The following WDR70 variants were observed in gnomAD, a reference collection of about 807,000 sequenced individuals.
The protein encoded by WDR70 is WD repeat domain 70.
A neutral mutation model predicts 88.6 loss-of-function variants in WDR70; 53 were observed. The observed-to-expected ratio is 0.60, with a 90% CI of 0.48 to 0.75. The LOEUF (loss-of-function observed/expected upper bound fraction) is 0.75, where lower values mean the gene tolerates loss of function less well. WDR70 is among the 30% of genes least tolerant of loss of function. WDR70 has a pLI of 0.00. For missense variants in WDR70, 610 were observed against 823.2 expected (o/e 0.74, Z 3.17); for synonymous variants, 280 against 270.0 (o/e 1.04, Z -0.36).
At chr5:37,721,480 A>G in intron 14 of WDR70, 1 of 487,316 alleles carries the variant, frequency 2.1e-6, no homozygotes, top group African/African-American at 1.9e-5. Context: ...CAAGGGGGAA[A>G]AACGTTCTGC....
At chr5:37,590,746 G>A (rs10941347) in intron 9 of WDR70, among the ~76,000 whole-genome samples, 70,537 of 151,882 alleles carry the variant, frequency 0.46, 17,998 homozygotes, top group Non-Finnish European at 0.58. Flanking sequence ...AAGGCTACGA[G>A]GGATTCTACC....
intron 9 of WDR70, among the ~76,000 whole-genome samples, chr5:37,589,766 C>A (rs1743473529): frequency 6.6e-6 from 1 of 151,800 alleles, no homozygotes; most frequent in African/African-American, 2.4e-5. Context: ...CCATACCCAG[C>A]TAATTTTTGT....
intron 7 of WDR70, among the ~76,000 whole-genome samples, chr5:37,451,411 A>G (rs1738673478): frequency 6.6e-6 from 1 of 152,086 alleles, no homozygotes; most frequent in African/African-American, 2.4e-5. Flanking sequence ...TATGGTAGTC[A>G]CTCGTCACAT....
chr5:37,549,449 A>G (rs2112345428), intron 9 of WDR70, among the ~76,000 whole-genome samples: 1 of 152,262 alleles, frequency 6.6e-6, no homozygotes, highest in South Asian at 2.1e-4. Flanking sequence ...CATTGTTGGC[A>G]TATAGAAATG....
At chr5:37,679,768 C>T (rs537374294) in intron 10 of WDR70, among the ~76,000 whole-genome samples, 8 of 152,344 alleles carry the variant, frequency 5.3e-5, no homozygotes, top group African/African-American at 1.7e-4. Flanking sequence ...TCAGAGCTGT[C>T]AGACCGGGAC....
chr5:37,702,875 A>G lies in WDR70; in HGVS notation c.1278-74A>G, dbSNP rs984430625. On this transcript the variant is annotated intron_variant, in intron 12 of 17. Coordinates refer to ENST00000265107, the MANE Select transcript of WDR70 (RefSeq NM_018034.4). ...GGAGTTACAGAGATGTTTATATTTTATTTAATTCACTAATGATTGCTGGAC... is the reference window on the plus strand; with the variant it reads ...GGAGTTACAGAGATGTTTATATTTTGTTTAATTCACTAATGATTGCTGGAC... 3 of 1,459,380 alleles carry G rather than the reference A, an allele frequency of 2.1e-6. No individual in the cohort carries two copies. In the African/African-American group the frequency reaches 4.2e-5, roughly 20 times the overall value. The allele number at this position is 1,459,380 out of a possible 1,614,324, so 90.4% of individuals were successfully genotyped here.
At chr5:37,657,461 T>C (rs910167424) in intron 10 of WDR70, among the ~76,000 whole-genome samples, 1 of 152,158 alleles carries the variant, frequency 6.6e-6, no homozygotes, top group Non-Finnish European at 1.5e-5. Flanking sequence ...ACCCCGGGCT[T>C]CATTTTTATA....
intron 9 of WDR70, among the ~76,000 whole-genome samples, chr5:37,601,165 A>G (rs1743870750): frequency 1.3e-5 from 2 of 152,298 alleles, no homozygotes; most frequent in South Asian, 4.1e-4. Flanking sequence ...TGGGCTTATC[A>G]TATATGGCCT....
chr5:37,390,843 A>G (rs1748796798), intron 3 of WDR70, among the ~76,000 whole-genome samples: 2 of 150,186 alleles, frequency 1.3e-5, no homozygotes, highest in South Asian at 4.2e-4. Context: ...CAGCCTCCCG[A>G]GTAGCTGGGA....
At chr5:37,409,785 C>T (rs906207315) in intron 5 of WDR70, among the ~76,000 whole-genome samples, 3 of 151,744 alleles carry the variant, frequency 2.0e-5, no homozygotes, top group Admixed American at 6.6e-5. Flanking sequence ...GGATTACAGG[C>T]GTGAGCCACC....
chr5:37,593,149 GTC>G (rs901566911), intron 9 of WDR70, among the ~76,000 whole-genome samples: 1 of 152,024 alleles, frequency 6.6e-6, no homozygotes, highest in Non-Finnish European at 1.5e-5. Context: ...GCAAGACTCT[GTC>G]TCTCTCTCTC....
chr5:37,697,721 T>C lies in WDR70; in HGVS notation c.1159T>C (p.Ser387Pro). The C allele has an allele frequency of 6.2e-7, 1 of 1,613,798 alleles. No individual in the cohort carries two copies. Among genetic ancestry groups the C allele is most frequent in the Non-Finnish European group, 8.5e-7 (1 of 1,179,760 alleles). The change falls in exon 11 of 18, where the codon TCC (serine) becomes CCC (proline). Residue 387 changes from serine to proline, a missense_variant. This residue lies in a region of WDR70 where 254 missense variants were observed against 300.7 expected (regional missense o/e 0.84). Transcript: ENST00000265107. ...CACAGACACTTCTTGCGTGACTTTT[T>C]CCTATGATGGTAATGTCCTTGCCTC... is the stretch of plus-strand genomic sequence containing the variant. ...SGTDTSCVTF[S>P]YDGNVLASRG...
chr5:37,606,339 A>G (rs546921884), intron 10 of WDR70, among the ~76,000 whole-genome samples: 219 of 152,320 alleles, frequency 1.4e-3, no homozygotes, highest in Non-Finnish European at 2.7e-3. Context: ...ATAACAGCAT[A>G]GAGATCTTAA....
chr5:37,709,684 A>C (rs1196268663), intron 13 of WDR70, among the ~76,000 whole-genome samples: 1 of 152,216 alleles, frequency 6.6e-6, no homozygotes, highest in Non-Finnish European at 1.5e-5. Flanking sequence ...TTATTAGGAC[A>C]ATGTTTTACT....
intron 8 of WDR70, among the ~76,000 whole-genome samples, chr5:37,504,986 C>A (rs1740517497): frequency 1.3e-5 from 2 of 152,184 alleles, no homozygotes; most frequent in African/African-American, 4.8e-5. Flanking sequence ...TTTAAAAAAA[C>A]CCAAAAAATA....
At chr5:37,405,850 A>T (rs919251115) in intron 5 of WDR70, among the ~76,000 whole-genome samples, 15 of 152,076 alleles carry the variant, frequency 9.9e-5, no homozygotes, top group African/African-American at 3.6e-4. Context: ...GTTCGAGACC[A>T]TCCTTGCCAA....
intron 5 of WDR70, among the ~76,000 whole-genome samples, chr5:37,409,854 C>T (rs1410339370): frequency 5.3e-5 from 8 of 152,042 alleles, no homozygotes; most frequent in African/African-American, 9.7e-5. Context: ...CACTCTTTCC[C>T]GTTATTTTTC....
At chr5:37,415,814 G>A (rs1428580096) in intron 5 of WDR70, among the ~76,000 whole-genome samples, 2 of 146,928 alleles carry the variant, frequency 1.4e-5, no homozygotes, top group African/African-American at 2.5e-5. Flanking sequence ...GGGCAGAGAC[G>A]CTCCTCACCT....
intron 10 of WDR70, among the ~76,000 whole-genome samples, chr5:37,646,575 T>C (rs1745245450): frequency 6.6e-6 from 1 of 152,130 alleles, no homozygotes; most frequent in African/African-American, 2.4e-5. Flanking sequence ...TCCTCAGCGT[T>C]GTTTGTCTAG....
Sources: allele counts gnomAD v4.1 joint callset (sites outside exome capture counted in the v4.1 genomes callset), GRCh38; gene constraint gnomAD v4.1.1; regional missense constraint gnomAD v4.1.1; transcripts MANE v1.5; gene names NCBI Gene and HGNC (gene_info 2026-07-23, HGNC 2026-07-21).